The following FNDC3A variants were observed in gnomAD, a reference collection of about 807,000 sequenced individuals.
The protein encoded by FNDC3A is fibronectin type-III domain-containing protein 3A.
A neutral mutation model predicts 148.9 loss-of-function variants in FNDC3A; 32 were observed. The ratio of observed to expected loss-of-function variants is 0.21; its 90% CI spans 0.16 to 0.29. The LOEUF is 0.29. FNDC3A is among the 10% of genes least tolerant of loss of function. FNDC3A has a pLI of 1.00. For synonymous variants in FNDC3A, 472 were observed against 473.6 expected, an observed-to-expected ratio of 1.00 and a Z score of 0.04; for missense variants, 1,191 against 1,452.8, an observed-to-expected ratio of 0.82 and a Z score of 2.93.
chr13:49,163,020 C>T (rs764406952), intron 8 of FNDC3A, among the ~76,000 whole-genome samples: 58 of 152,164 alleles, frequency 3.8e-4, no homozygotes, highest in Non-Finnish European at 2.9e-4. Context: ...CAGAGGGGCA[C>T]CCAGCTGTAT....
chr13:49,171,578 G>A (rs1291258096), intron 10 of FNDC3A, among the ~76,000 whole-genome samples: 2 of 152,144 alleles, frequency 1.3e-5, no homozygotes, highest in Non-Finnish European at 2.9e-5. Context: ...CAGGTAACCA[G>A]CACAGTGAGT....
intron 19 of FNDC3A, among the ~76,000 whole-genome samples, chr13:49,192,771 A>T: frequency 6.6e-6 from 1 of 152,186 alleles, no homozygotes. Context: ...AAATCACCTT[A>T]AGTAAATATT....
intron 8 of FNDC3A, among the ~76,000 whole-genome samples, chr13:49,166,973 C>A (rs1240104894): frequency 8.1e-6 from 1 of 123,734 alleles, no homozygotes; most frequent in African/African-American, 2.6e-5. Flanking sequence ...AGCTAAATAT[C>A]TTCCTTAACT....
chr13:49,165,928 T>A (rs1193958959), intron 8 of FNDC3A, among the ~76,000 whole-genome samples: 2 of 151,240 alleles, frequency 1.3e-5, no homozygotes, highest in African/African-American at 4.9e-5. Context: ...CCAGGAGGAG[T>A]GCTCAGGTGT....
chr13:49,075,064 G>T (rs1410483218), intron 2 of FNDC3A, among the ~76,000 whole-genome samples: 1 of 152,112 alleles, frequency 6.6e-6, no homozygotes, highest in African/African-American at 2.4e-5. Flanking sequence ...TAATGAAAGT[G>T]TGTCACTTTC....
chr13:49,187,075 T>C, intron 15 of FNDC3A, 47 bp from the exon 16 acceptor site: 1 of 1,392,666 alleles, frequency 7.2e-7, no homozygotes, highest in Non-Finnish European at 1.0e-6. Flanking sequence ...TTATCATTTT[T>C]ATGTTGTTTT....
In FNDC3A at chr13:49,019,110, G is replaced by A. The variant is rs552287387; in HGVS notation, c.99+12821G>A. ...GCCTACAGCGGCAGGCAGGCCTCCT[G>A]GAGCTGTGGTGGGCTCCACCCAGTT... is the stretch of plus-strand genomic sequence containing the variant. On this transcript the variant is annotated intron_variant, in intron 2 of 25. Transcript: ENST00000492622. 3.9e-5 allele frequency among the ~76,000 whole-genome samples: 6 copies of A among 152,362 alleles called. No homozygotes were observed. The East Asian group carries it at 7.7e-4, about 20-fold the overall frequency.
chr13:49,006,328 C>T lies in FNDC3A; in HGVS notation c.99+39C>T, dbSNP rs377100417. On this transcript the variant is annotated intron_variant, in intron 2 of 25. Coordinates refer to ENST00000492622, the MANE Select transcript of FNDC3A (RefSeq NM_001079673.2). ...AATGTTTATTTCTTTATGTCTAATA[C>T]ACATGTATTTATGCAAAATTTAAAA... The T allele has an allele frequency of 9.1e-5, 109 of 1,198,062 alleles. No homozygotes were observed. The African/African-American group carries it at 1.5e-3, about 16-fold the overall frequency. 74.2% of individuals were successfully genotyped at this position (1,198,062 alleles called of 1,614,324 possible).
intron 3 of FNDC3A, among the ~76,000 whole-genome samples, chr13:49,098,186 A>G (rs1263196847): frequency 2.6e-5 from 4 of 152,112 alleles, no homozygotes; most frequent in African/African-American, 9.7e-5. Flanking sequence ...TATTATGTAA[A>G]AAGAGAACCT....
chr13:48,979,541 AAGTT>A (rs1195207025), intron 1 of FNDC3A, among the ~76,000 whole-genome samples: 1 of 152,140 alleles, frequency 6.6e-6, no homozygotes, highest in Non-Finnish European at 1.5e-5. Context: ...GAAAGAAAGA[AAGTT>A]AGGTCGAGAT....
intron 4 of FNDC3A, among the ~76,000 whole-genome samples, chr13:49,124,334 C>A (rs1881556133): frequency 6.6e-6 from 1 of 151,802 alleles, no homozygotes; most frequent in Non-Finnish European, 1.5e-5. Flanking sequence ...CACACTGGGG[C>A]CTGTGAAGGG....
intron 16 of FNDC3A, chr13:49,187,735 C>A (rs1311046015): frequency 1.8e-6 from 2 of 1,095,448 alleles, no homozygotes; most frequent in Non-Finnish European, 2.7e-6. Context: ...GGCACCTCAC[C>A]AAGACCTTTT....
At chr13:49,168,898 T>G (rs1884619637) in intron 10 of FNDC3A, 147 bp downstream of exon 10, 2 of 738,218 alleles carry the variant, frequency 2.7e-6, no homozygotes, top group African/African-American at 3.5e-5. Flanking sequence ...ATTTAATGTA[T>G]CTTAAAATAG....
chr13:49,116,418 T>C (rs184524687), intron 4 of FNDC3A, among the ~76,000 whole-genome samples: 1 of 152,346 alleles, frequency 6.6e-6, no homozygotes, highest in East Asian at 1.9e-4. Flanking sequence ...GCTTGGAATA[T>C]GTCCATGACT....
chr13:49,133,106 A>G (rs905663905), intron 5 of FNDC3A, among the ~76,000 whole-genome samples: 1 of 152,100 alleles, frequency 6.6e-6, no homozygotes, highest in African/African-American at 2.4e-5. Flanking sequence ...TGTCAAACTT[A>G]TTTCTATTGC....
At chr13:49,076,799 T>G (rs1593556700) in intron 3 of FNDC3A, among the ~76,000 whole-genome samples, 1 of 152,172 alleles carries the variant, frequency 6.6e-6, no homozygotes, top group South Asian at 2.1e-4. Flanking sequence ...TCTTGTAATA[T>G]TTCTTCTAGT....
chr13:49,022,591 T>C (rs1873406215), intron 2 of FNDC3A, among the ~76,000 whole-genome samples: 1 of 152,142 alleles, frequency 6.6e-6, no homozygotes, highest in African/African-American at 2.4e-5. Flanking sequence ...GAGACTGAAA[T>C]AAAGCTTATA....
In FNDC3A at chr13:49,197,831, TAAAAG is replaced by T; in HGVS notation, c.2448_2452del (p.Ile816MetfsTer25). 1 of 1,607,672 alleles carries T rather than the reference TAAAAG, an allele frequency of 6.2e-7. No homozygotes were observed. The highest frequency in any genetic ancestry group is 8.5e-7 in the Non-Finnish European group (1 of 1,178,574). ...TGTGGGCCTGGTCTCAGTTATGAAA[TAAAAG>T]GACTTTCACCAGCAACTACCTATTA... is the stretch of plus-strand genomic sequence containing the variant. On this transcript the variant is annotated frameshift_variant, in exon 21 of 26. Coordinates refer to ENST00000492622, the MANE Select transcript of FNDC3A (RefSeq NM_001079673.2). LOFTEE classifies it high-confidence loss of function.
intron 1 of FNDC3A, among the ~76,000 whole-genome samples, chr13:48,995,243 T>C (rs1362355136): frequency 6.6e-6 from 1 of 152,048 alleles, no homozygotes; most frequent in Non-Finnish European, 1.5e-5. Flanking sequence ...TCTTTTTTAA[T>C]ATTTTCAGAT....
Sources: gnomAD v4.1 joint callset for allele counts (sites outside exome capture counted in the v4.1 genomes callset) on GRCh38, gnomAD v4.1.1 for gene constraint, MANE v1.5 for transcripts, NCBI Gene and HGNC (gene_info 2026-07-23, HGNC 2026-07-21) for gene names.